Variants in UVRAG observed in about 807,000 individuals in gnomAD.
UVRAG encodes the protein UV radiation resistance associated, also known as UV radiation resistance-associated gene protein.
Under a neutral mutation model 78.0 loss-of-function variants are expected in UVRAG, and 19 were observed. That is an observed-to-expected ratio of 0.24 (90% CI 0.17 to 0.36). The LOEUF is 0.36. Among genes scored for constraint, UVRAG ranks in the 10% least tolerant of loss-of-function variants. The pLI, the probability that UVRAG is intolerant of heterozygous loss-of-function variation, is 1.00. For missense variants in UVRAG, 740 were observed against 853.8 expected, an observed-to-expected ratio of 0.87 and a Z score of 1.66; for synonymous variants, 323 against 324.6, an observed-to-expected ratio of 1.00 and a Z score of 0.05.
At chr11:75,860,280 C>T (rs1004362606) in intron 2 of UVRAG, among the ~76,000 whole-genome samples, 1 of 152,218 alleles carries the variant, frequency 6.6e-6, no homozygotes, top group East Asian at 1.9e-4. Flanking sequence ...AGGAATGATA[C>T]CACTCATCTT....
chr11:75,831,592 A>G (rs1945660693), intron 1 of UVRAG, among the ~76,000 whole-genome samples: 1 of 152,118 alleles, frequency 6.6e-6, no homozygotes, highest in African/African-American at 2.4e-5. Context: ...AAAAGTACTG[A>G]GATGGGAAAG....
intron 1 of UVRAG, among the ~76,000 whole-genome samples, chr11:75,819,807 A>C (rs1028145687): frequency 6.6e-6 from 1 of 151,856 alleles, no homozygotes. Context: ...TGTCTCTACT[A>C]AAAATAGAAA....
intron 8 of UVRAG, among the ~76,000 whole-genome samples, chr11:75,993,508 T>C (rs1949651442): frequency 6.6e-6 from 1 of 152,162 alleles, no homozygotes; most frequent in South Asian, 2.1e-4. Context: ...AGATTTCCCC[T>C]CAGTAACTCA....
At chr11:75,929,138 A>G (rs181277372) in intron 6 of UVRAG, among the ~76,000 whole-genome samples, 13 of 152,270 alleles carry the variant, frequency 8.5e-5, no homozygotes, top group Admixed American at 6.5e-4. Flanking sequence ...GTAACAATAA[A>G]GAATTTTACC....
intron 14 of UVRAG, among the ~76,000 whole-genome samples, chr11:76,136,919 A>C (rs528860368): frequency 8.5e-5 from 13 of 152,344 alleles, no homozygotes; most frequent in African/African-American, 2.4e-4. Context: ...TTTTTTATAT[A>C]GTTAACATAG....
chr11:75,924,751 C>T (rs982078839), intron 6 of UVRAG, among the ~76,000 whole-genome samples: 9 of 152,200 alleles, frequency 5.9e-5, no homozygotes, highest in South Asian at 2.1e-4. Context: ...TCAGGACTTA[C>T]TGATAGATCT....
At chr11:75,957,542 A>G (rs1346765114) in intron 6 of UVRAG, among the ~76,000 whole-genome samples, 1 of 151,926 alleles carries the variant, frequency 6.6e-6, no homozygotes, top group East Asian at 1.9e-4. Flanking sequence ...TTCTCTATAA[A>G]TTACAGTATC....
At chr11:76,107,691 A>T (rs987143329) in intron 13 of UVRAG, among the ~76,000 whole-genome samples, 1 of 152,182 alleles carries the variant, frequency 6.6e-6, no homozygotes, top group South Asian at 2.1e-4. Flanking sequence ...GTAAGAAACA[A>T]TATTATTGCT....
intron 11 of UVRAG, among the ~76,000 whole-genome samples, chr11:76,011,533 G>A (rs779812991): frequency 5.5e-4 from 84 of 152,178 alleles, no homozygotes; most frequent in Admixed American, 1.6e-3. Flanking sequence ...GCTGAGGCAC[G>A]AGAATCACTT....
At chr11:76,060,352 T>C (rs1171256623) in intron 12 of UVRAG, among the ~76,000 whole-genome samples, 2 of 152,212 alleles carry the variant, frequency 1.3e-5, no homozygotes, top group Non-Finnish European at 2.9e-5. Context: ...GGCATTAGAG[T>C]CTCAAATCTT....
intron 6 of UVRAG, among the ~76,000 whole-genome samples, chr11:75,950,863 G>T (rs1443985661): frequency 1.3e-5 from 2 of 151,686 alleles, no homozygotes; most frequent in East Asian, 3.9e-4. Context: ...TGAAGTGTTT[G>T]TTCAAATATT....
intron 12 of UVRAG, among the ~76,000 whole-genome samples, chr11:76,018,399 G>GTT (rs201317470): frequency 6.6e-6 from 1 of 151,370 alleles, no homozygotes; most frequent in Admixed American, 6.6e-5. Context: ...GTTCCACTGT[G>GTT]TTTTTTTTGT....
At chr11:75,954,366 A>T (rs1002730002) in intron 6 of UVRAG, among the ~76,000 whole-genome samples, 1 of 152,208 alleles carries the variant, frequency 6.6e-6, no homozygotes, top group African/African-American at 2.4e-5. Context: ...GCATAGTACC[A>T]GTGAAGTTTT....
At chr11:76,115,772 C>T in intron 13 of UVRAG, 152 bp from the exon 14 acceptor site, 2 of 645,356 alleles carry the variant, frequency 3.1e-6, no homozygotes, top group Non-Finnish European at 5.3e-6. Context: ...GTCAAATACC[C>T]AGTAAGTGGA....
rs1950937530 is a variant in UVRAG at position 76,054,362 on chromosome 11, A to G, written c.1227-11348A>G. Among the ~76,000 whole-genome samples the G allele has an allele frequency of 3.3e-5, 5 of 152,130 alleles. No homozygotes were observed. In the South Asian group the frequency reaches 1.0e-3, roughly 31 times the overall value. ...TTCAAACCGCTGTCTTCTCTTGCCTAAATTTTTGCAGTAGCCTCCCCTTGT... is the reference window on the plus strand; with the variant it reads ...TTCAAACCGCTGTCTTCTCTTGCCTGAATTTTTGCAGTAGCCTCCCCTTGT... On this transcript the variant is annotated intron_variant, in intron 12 of 14. Transcript: ENST00000356136.
chr11:75,817,629 TAATATC>T (rs1324317679), intron 1 of UVRAG, among the ~76,000 whole-genome samples: 4 of 152,160 alleles, frequency 2.6e-5, no homozygotes, highest in Admixed American at 2.6e-4. Context: ...AGTGTATAAA[TAATATC>T]AATAAAATTT....
chr11:76,100,756 T>G (rs1951865646), intron 13 of UVRAG, among the ~76,000 whole-genome samples: 1 of 152,150 alleles, frequency 6.6e-6, no homozygotes, highest in African/African-American at 2.4e-5. Context: ...CTCTCCCTCC[T>G]TCCACCTTCC....
chr11:75,853,139 C>T (rs950962526), intron 2 of UVRAG, among the ~76,000 whole-genome samples: 2 of 152,096 alleles, frequency 1.3e-5, no homozygotes, highest in African/African-American at 4.8e-5. Context: ...TCTCCAACTC[C>T]TGGACTCAAG....
intron 13 of UVRAG, among the ~76,000 whole-genome samples, chr11:76,068,216 G>A (rs530268211): frequency 3.3e-5 from 5 of 152,160 alleles, no homozygotes; most frequent in Admixed American, 6.5e-5. Context: ...CAAGATGGAG[G>A]CTATGTGCAG....
Sources: allele counts gnomAD v4.1 joint callset (sites outside exome capture counted in the v4.1 genomes callset), GRCh38; gene constraint gnomAD v4.1.1; transcripts MANE v1.5; gene names NCBI Gene and HGNC (gene_info 2026-07-23, HGNC 2026-07-21).